Variants in HOXA3 observed in about 807,000 individuals in gnomAD.
The protein encoded by HOXA3 is homeobox protein Hox-A3.
In HOXA3, 8 loss-of-function variants were observed where a neutral mutation model predicts 30.3. That is an observed-to-expected ratio of 0.26 (90% CI 0.15 to 0.48). The LOEUF (loss-of-function observed/expected upper bound fraction) is 0.48. HOXA3 is among the 20% of genes least tolerant of loss of function. The pLI, the probability that HOXA3 is intolerant of heterozygous loss-of-function variation, is 0.99. For synonymous variants in HOXA3, 323 were observed against 273.1 expected (o/e 1.18, Z -1.80); for missense variants, 653 against 614.4 (o/e 1.06, Z -0.66).
intron 1 of HOXA3, chr7:27,141,594 G>A: frequency 2.6e-6 from 1 of 390,572 alleles, no homozygotes. Flanking sequence ...ATATAAATAA[G>A]TTAAAACATC....
intron 2 of HOXA3, among the ~76,000 whole-genome samples, chr7:27,137,884 G>A (rs1236591602): frequency 2.0e-5 from 3 of 152,166 alleles, no homozygotes; most frequent in Non-Finnish European, 2.9e-5. Context: ...GGTGGAATAT[G>A]GCCATGAAGT....
Position 27,108,775 on chromosome 7 carries a change from G to A in HOXA3, c.527-55C>T. 1 of 1,350,922 alleles carries A rather than the reference G, an allele frequency of 7.4e-7. No individual in the cohort carries two copies. The highest frequency in any genetic ancestry group is 9.9e-7 in the Non-Finnish European group (1 of 1,009,208). 83.7% of individuals were successfully genotyped at this position (1,350,922 alleles called of 1,614,324 possible). A position where few individuals can be genotyped will look rare whatever the true frequency, so the allele number is the denominator to read the frequency against. On this transcript the variant is annotated intron_variant, in intron 5 of 5. Transcript: ENST00000612286. This position sits in a 1 kb window ranked among gnomAD's most constrained non-coding sequence, Gnocchi z 5.0. ...TCAGGGGCTGCCGCGGCCCCGCCCA[G>A]CCCCTGACCCAGCCCGGCCCCTCCT...
At chr7:27,147,232 A>T in intron 1 of HOXA3, 1 of 1,341,888 alleles carries the variant, frequency 7.5e-7, no homozygotes, top group Non-Finnish European at 1.0e-6. Context: ...TCCTCTTTCT[A>T]CTCTGTTTCC....
chr7:27,149,752 A>C (rs1264015942), intron 1 of HOXA3, among the ~76,000 whole-genome samples: 1 of 152,276 alleles, frequency 6.6e-6, no homozygotes, highest in Non-Finnish European at 1.5e-5. Flanking sequence ...AAAAATTAAA[A>C]GGGACTTTTA....
At chr7:27,145,574 G>A (rs1782728353) in intron 1 of HOXA3, 1 of 1,527,666 alleles carries the variant, frequency 6.5e-7, no homozygotes, top group East Asian at 2.3e-5. Flanking sequence ...GGGAGCAGGC[G>A]GGGAGAAAAG....
At chr7:27,125,581 T>C (rs1376656369) in intron 3 of HOXA3, among the ~76,000 whole-genome samples, 1 of 152,218 alleles carries the variant, frequency 6.6e-6, no homozygotes, top group Non-Finnish European at 1.5e-5. Context: ...AGCAGAATTA[T>C]TCTTGGGACA....
At position 27,108,667 on chromosome 7, in the gene HOXA3, C is replaced by A; in HGVS notation, c.580G>T (p.Ala194Ser). The change falls in exon 6 of 6, where the codon GCG becomes TCG. Residue 194 changes from alanine (A) to serine (S), a missense_variant. Transcript: ENST00000612286. This position sits in a 1 kb window ranked among gnomAD's most constrained non-coding sequence, Gnocchi z 5.0. ...TGCGCGCTCGTGTAGGCCGTGCGCG[C>A]GCGCTTGGACGAAGCCTGCCCCGGC... ...SPPGQASSKR[A>S]RTAYTSAQLV... 6.2e-7 allele frequency: 1 copy of A among 1,612,000 alleles called. No homozygotes were observed. The highest frequency in any genetic ancestry group is 1.3e-5 in the African/African-American group (1 of 74,934).
chr7:27,140,480 T>A (rs1400691562), intron 1 of HOXA3: 2 of 152,250 alleles, frequency 1.3e-5, no homozygotes, highest in Non-Finnish European at 2.9e-5. Context: ...TCGGTAAATG[T>A]GCAAATCTCT....
At chr7:27,145,875 T>C in intron 1 of HOXA3, 1 of 1,614,206 alleles carries the variant, frequency 6.2e-7, no homozygotes, top group Non-Finnish European at 8.5e-7. Flanking sequence ...GTAGCGCGTG[T>C]AGGTCTGGCG....
chr7:27,126,391 C>T, intron 3 of HOXA3, among the ~76,000 whole-genome samples: 1 of 148,072 alleles, frequency 6.8e-6, no homozygotes, highest in Non-Finnish European at 1.5e-5. Flanking sequence ...AGAGCTTACA[C>T]AAAATACTGT....
intron 1 of HOXA3, chr7:27,147,369 G>C: frequency 1.9e-6 from 3 of 1,614,156 alleles, no homozygotes; most frequent in Non-Finnish European, 2.5e-6. Flanking sequence ...TCCGGTCGGC[G>C]CCTTCGTCAT....
At chr7:27,117,486 G>A (rs1784784259) in intron 4 of HOXA3, among the ~76,000 whole-genome samples, 2 of 152,090 alleles carry the variant, frequency 1.3e-5, no homozygotes, top group Admixed American at 6.5e-5. Context: ...AACCCTCTGG[G>A]GCAGAGGGTG....
chr7:27,142,373 G>A (rs1469913256), intron 1 of HOXA3, among the ~76,000 whole-genome samples: 1 of 152,038 alleles, frequency 6.6e-6, no homozygotes, highest in Non-Finnish European at 1.5e-5. Flanking sequence ...CGGGCGCCCC[G>A]ATCGGGAGGC....
intron 1 of HOXA3, chr7:27,143,293 G>A (rs368436023): frequency 1.1e-5 from 17 of 1,602,500 alleles, no homozygotes; most frequent in Non-Finnish European, 8.5e-6. Context: ...AGGGGGCCAC[G>A]GCGGAGCAGG....
At chr7:27,127,635 G>C (rs1017428276) in intron 2 of HOXA3, among the ~76,000 whole-genome samples, 1 of 152,116 alleles carries the variant, frequency 6.6e-6, no homozygotes, top group Non-Finnish European at 1.5e-5. Flanking sequence ...CTTATTGTAG[G>C]GAACTCCCTG....
Position 27,110,161 on chromosome 7 carries a change from T to G in HOXA3, c.480A>C (p.Lys160Asn), listed in dbSNP as rs1784277468. 2 of 1,614,078 alleles carry G rather than the reference T, an allele frequency of 1.2e-6. No homozygotes were observed. The highest frequency in any genetic ancestry group is 1.7e-6 in the Non-Finnish European group (2 of 1,180,026). ...TVAKQIFPWM[K>N]ESRQNTKQKT... Reference sequence around the variant, plus strand: ...TCTGCTTTGTGTTTTGTCGAGACTCTTTCATCCAGGGGAAGATTTGTTTGG... The same window carrying G: ...TCTGCTTTGTGTTTTGTCGAGACTCGTTCATCCAGGGGAAGATTTGTTTGG... Residue 160 changes from lysine to asparagine, a missense_variant, in exon 5 of 6, where the codon AAA becomes AAC. Coordinates refer to ENST00000612286, the MANE Select transcript of HOXA3 (RefSeq NM_153631.3).
chr7:27,146,251 T>G (rs202192619), intron 1 of HOXA3, among the ~76,000 whole-genome samples: 5 of 149,098 alleles, frequency 3.4e-5, no homozygotes, highest in Non-Finnish European at 6.0e-5. Context: ...GTGTGTGTGT[T>G]TGTGTGTGTG....
intron 1 of HOXA3, among the ~76,000 whole-genome samples, chr7:27,146,086 A>G (rs1782752817): frequency 6.6e-6 from 1 of 152,208 alleles, no homozygotes; most frequent in African/African-American, 2.4e-5. Flanking sequence ...ATTATTTCAT[A>G]CCAAGCGAGA....
chr7:27,128,956 CCTT>C (rs1785395649), intron 2 of HOXA3: 1 of 531,062 alleles, frequency 1.9e-6, no homozygotes, highest in African/African-American at 1.9e-5. Context: ...ACCAAGTAGT[CCTT>C]CTCAGGTATC....
Sources: gnomAD v4.1 joint callset for allele counts (sites outside exome capture counted in the v4.1 genomes callset) on GRCh38, gnomAD v4.1.1 for gene constraint, Gnocchi (gnomAD v3.1) non-coding constraint, MANE v1.5 for transcripts, NCBI Gene and HGNC (gene_info 2026-07-23, HGNC 2026-07-21) for gene names.